MMRN1: variants seen among roughly 807,000 people sequenced by gnomAD.
MMRN1 encodes multimerin-1.
A neutral mutation model predicts 100.7 loss-of-function variants in MMRN1; 94 were observed. The observed-to-expected ratio is 0.93, with a 90% CI of 0.79 to 1.11. The LOEUF (loss-of-function observed/expected upper bound fraction) is 1.11, where lower values mean the gene tolerates loss of function less well. Ranked by LOEUF, MMRN1 falls within the 50% of genes least tolerant of loss-of-function variation. The pLI is 0.00. For synonymous variants in MMRN1, 575 were observed against 505.0 expected, an observed-to-expected ratio of 1.14 and a Z score of -1.86; for missense variants, 1,606 against 1,439.1, an observed-to-expected ratio of 1.12 and a Z score of -1.88.
In MMRN1 at chr4:89,916,388, A is replaced by G. The variant is rs539067636; in HGVS notation, c.850+4338A>G. On this transcript the variant is annotated intron_variant, in intron 3 of 7. Coordinates refer to ENST00000264790, the MANE Select transcript of MMRN1 (RefSeq NM_007351.3). The stretch of plus-strand genomic sequence containing the variant: ...TGAAAAAAAAAAAACAAACAAACAA[A>G]CAATAAATTTAACAATGCTGCTAAA... Among the ~76,000 whole-genome samples the G allele has an allele frequency of 2.1e-4, 32 of 150,902 alleles. 1 individual carries two copies. Among genetic ancestry groups the G allele is most frequent in the African/African-American group, 6.1e-4 (25 of 41,044 alleles).
chr4:89,926,664 G>A (rs1379260831), intron 4 of MMRN1, among the ~76,000 whole-genome samples: 1 of 151,976 alleles, frequency 6.6e-6, no homozygotes, highest in East Asian at 1.9e-4. Context: ...TTTGCTTTGA[G>A]TGCCTGTGGT....
chr4:89,952,313 G>T (rs994328227), intron 7 of MMRN1, among the ~76,000 whole-genome samples: 1 of 152,094 alleles, frequency 6.6e-6, no homozygotes, highest in African/African-American at 2.4e-5. Flanking sequence ...TTTACTTCAG[G>T]AGTGCACCAT....
At chr4:89,933,334 G>T (rs769969082) in intron 5 of MMRN1, among the ~76,000 whole-genome samples, 1 of 152,012 alleles carries the variant, frequency 6.6e-6, no homozygotes, top group Non-Finnish European at 1.5e-5. Flanking sequence ...ACATATTCCC[G>T]TCTTCTTCAG....
intron 1 of MMRN1, among the ~76,000 whole-genome samples, chr4:89,888,411 A>G (rs888490619): frequency 6.0e-5 from 9 of 149,466 alleles, no homozygotes; most frequent in Non-Finnish European, 8.9e-5. Flanking sequence ...AAAGTTAGCT[A>G]TAATTGTGTT....
At chr4:89,906,396 C>G (rs750707446) in intron 1 of MMRN1, among the ~76,000 whole-genome samples, 1 of 151,428 alleles carries the variant, frequency 6.6e-6, no homozygotes, top group Non-Finnish European at 1.5e-5. Flanking sequence ...AGAATCAATA[C>G]AAGCTTTTTT....
Position 89,935,204 on chromosome 4 carries a change from A to T in MMRN1, c.1524A>T (p.Lys508Asn). 1 of 1,613,370 alleles carries T rather than the reference A, an allele frequency of 6.2e-7. No homozygotes were observed. ...TTCTGTATTATGAATCCCTCAATAA[A>T]ACTCTTTCTAAATTGAAGGAAGTAC... is the stretch of plus-strand genomic sequence containing the variant. ...RSILYYESLN[K>N]TLSKLKEVHE... The change falls in exon 6 of 8, where the codon AAA becomes AAT. Residue 508 changes from lysine (K) to asparagine (N), a missense_variant. Transcript: ENST00000264790.
At chr4:89,916,498 C>T (rs575370696) in intron 3 of MMRN1, among the ~76,000 whole-genome samples, 2 of 151,620 alleles carry the variant, frequency 1.3e-5, no homozygotes, top group South Asian at 2.1e-4. Flanking sequence ...AAGTTAATCA[C>T]ATTTTCTTTC....
At chr4:89,894,466 A>C (rs575106700), upstream of MMRN1, among the ~76,000 whole-genome samples, 103 of 152,264 alleles carry the variant, frequency 6.8e-4, no homozygotes, top group Non-Finnish European at 1.3e-3. Flanking sequence ...ACTTGAACAA[A>C]ATGCAGCTTT....
At chr4:89,905,306 A>C in intron 1 of MMRN1, among the ~76,000 whole-genome samples, 1 of 151,644 alleles carries the variant, frequency 6.6e-6, no homozygotes, top group South Asian at 2.1e-4. Flanking sequence ...TCTTATAATT[A>C]AGATGATAGT....
In MMRN1 at chr4:89,895,311, A is replaced by G. The variant is rs1213776390; in HGVS notation, c.340A>G (p.Asn114Asp). Residue 114 changes from asparagine (N) to aspartate (D), a missense_variant, in exon 1 of 8, where the codon AAT becomes GAT. Transcript: ENST00000264790. ...AGCAGAAGGAGTGGTCAAGTTACAG[A>G]ATCTTACCCTCCCAACCAACGCTAG... ...EKAEGVVKLQ[N>D]LTLPTNASIK... The G allele has an allele frequency of 1.2e-6, 2 of 1,613,318 alleles. No individual in the cohort carries two copies. Among genetic ancestry groups the G allele is most frequent in the Admixed American group, 3.3e-5 (2 of 59,978 alleles).
chr4:89,893,520 G>A (rs1437432024), upstream of MMRN1, among the ~76,000 whole-genome samples: 2 of 152,020 alleles, frequency 1.3e-5, no homozygotes, highest in African/African-American at 4.8e-5. Context: ...CTCTAATTTT[G>A]AAAGACGGAA....
chr4:89,945,854 G>C (rs768794395), intron 6 of MMRN1, among the ~76,000 whole-genome samples: 5 of 152,056 alleles, frequency 3.3e-5, no homozygotes, highest in Non-Finnish European at 5.9e-5. Flanking sequence ...AACAATATAA[G>C]AAACAATTGG....
At chr4:89,920,156 A>G (rs555113949) in intron 3 of MMRN1, among the ~76,000 whole-genome samples, 1 of 152,258 alleles carries the variant, frequency 6.6e-6, no homozygotes, top group South Asian at 2.1e-4. Context: ...TCAGCTTGTC[A>G]GTTATTGGAC....
chr4:89,951,359 A>G (rs1284073291), intron 6 of MMRN1: 4 of 358,692 alleles, frequency 1.1e-5, no homozygotes, highest in South Asian at 1.1e-4. Flanking sequence ...GAATGTTAAC[A>G]TTTCACACCA....
intron 6 of MMRN1, among the ~76,000 whole-genome samples, chr4:89,948,251 C>G (rs1723049972): frequency 6.6e-6 from 1 of 152,138 alleles, no homozygotes; most frequent in Non-Finnish European, 1.5e-5. Context: ...AGGCTCTGTA[C>G]TTGTCACTAA....
intron 5 of MMRN1, among the ~76,000 whole-genome samples, chr4:89,934,024 CT>C (rs1342790204): frequency 6.6e-6 from 1 of 151,594 alleles, no homozygotes; most frequent in Admixed American, 6.6e-5. Flanking sequence ...TTTCCTGTTC[CT>C]TTTTTTCATG....
chr4:89,910,156 A>G (rs1233348397), intron 2 of MMRN1, among the ~76,000 whole-genome samples: 2 of 151,400 alleles, frequency 1.3e-5, no homozygotes, highest in Non-Finnish European at 3.0e-5. Context: ...ACATAAAATC[A>G]AGGTGTTTCT....
At chr4:89,919,531 T>C (rs965247508) in intron 3 of MMRN1, among the ~76,000 whole-genome samples, 35 of 151,858 alleles carry the variant, frequency 2.3e-4, no homozygotes, top group Admixed American at 5.9e-4. Flanking sequence ...AAAATCAAGT[T>C]GATTTTCATT....
intron 6 of MMRN1, among the ~76,000 whole-genome samples, chr4:89,942,536 T>C (rs752677342): frequency 1.6e-4 from 25 of 152,190 alleles, no homozygotes; most frequent in Non-Finnish European, 2.9e-4. Context: ...CTGAAAAACA[T>C]ACTTTAAGTT....
Sources: gnomAD v4.1 joint callset for allele counts (sites outside exome capture counted in the v4.1 genomes callset) on GRCh38, gnomAD v4.1.1 for gene constraint, MANE v1.5 for transcripts, NCBI Gene and HGNC (gene_info 2026-07-23, HGNC 2026-07-21) for gene names.